The following CDH13 variants were observed in gnomAD, a reference collection of about 807,000 sequenced individuals.
CDH13 encodes cadherin-13.
CDH13 carries 24 observed loss-of-function variants against 63.8 expected under a neutral mutation model. The ratio of observed to expected loss-of-function variants is 0.38; its 90% CI spans 0.27 to 0.53. CDH13 has a LOEUF of 0.53. Ranked by LOEUF, CDH13 falls within the 20% of genes least tolerant of loss-of-function variation. The pLI is 0.85. For missense variants in CDH13, 1,049 were observed against 903.1 expected, an observed-to-expected ratio of 1.16 and a Z score of -2.07; for synonymous variants, 503 against 355.3, an observed-to-expected ratio of 1.42 and a Z score of -4.67.
chr16:82,675,556 G>C (rs16958140), intron 1 of CDH13, among the ~76,000 whole-genome samples: 1 of 152,164 alleles, frequency 6.6e-6, no homozygotes, highest in Non-Finnish European at 1.5e-5. Flanking sequence ...ATGAAGTCAC[G>C]TTTGCCTCAT....
intron 5 of CDH13, among the ~76,000 whole-genome samples, chr16:83,262,698 G>C (rs1033541654): frequency 2.6e-5 from 4 of 152,156 alleles, no homozygotes; most frequent in Admixed American, 1.3e-4. Flanking sequence ...TCAAGGGAAA[G>C]GGTTTCCTTA....
intron 8 of CDH13, among the ~76,000 whole-genome samples, chr16:83,603,082 T>C (rs965066580): frequency 2.0e-5 from 3 of 152,226 alleles, no homozygotes; most frequent in Admixed American, 1.3e-4. Flanking sequence ...TTATTCATTC[T>C]CAGTCCCTGT....
intron 4 of CDH13, among the ~76,000 whole-genome samples, chr16:83,172,643 A>C (rs28393116): frequency 0.016 from 2,464 of 152,220 alleles, 80 homozygotes; most frequent in African/African-American, 0.056. Flanking sequence ...TCCTCCTCAC[A>C]GACCTCAGAA....
intron 6 of CDH13, among the ~76,000 whole-genome samples, chr16:83,417,287 C>T (rs2071578061): frequency 6.6e-6 from 1 of 152,182 alleles, no homozygotes; most frequent in Non-Finnish European, 1.5e-5. Context: ...CTCCCCAGAA[C>T]AGCCTCCCTT....
chr16:83,467,118 C>T (rs1050979248), intron 6 of CDH13, among the ~76,000 whole-genome samples: 6 of 152,162 alleles, frequency 3.9e-5, no homozygotes. Flanking sequence ...CAATATAAGC[C>T]ATAATGGCTG....
intron 8 of CDH13, among the ~76,000 whole-genome samples, chr16:83,648,772 ATC>A (rs1018195689): frequency 2.3e-4 from 35 of 151,206 alleles, no homozygotes; most frequent in African/African-American, 8.5e-4. Flanking sequence ...CCCTCTCCCC[ATC>A]TCTGTCTCCT....
At chr16:83,521,769 A>G (rs1009100259) in intron 7 of CDH13, among the ~76,000 whole-genome samples, 3 of 152,158 alleles carry the variant, frequency 2.0e-5, no homozygotes, top group Admixed American at 2.0e-4. Context: ...CCCTGGCTTC[A>G]GAGTTAGAGG....
At chr16:82,929,414 G>A (rs193107003) in intron 2 of CDH13, among the ~76,000 whole-genome samples, 2 of 151,886 alleles carry the variant, frequency 1.3e-5, no homozygotes, top group African/African-American at 4.8e-5. Context: ...GGCTGAGGCG[G>A]GGTGGATCAC....
At chr16:82,740,157 T>C (rs1173001988) in intron 1 of CDH13, among the ~76,000 whole-genome samples, 1 of 152,204 alleles carries the variant, frequency 6.6e-6, no homozygotes, top group East Asian at 1.9e-4. Flanking sequence ...TATTCTTATT[T>C]ACAATATGGA....
At chr16:82,710,552 A>AAAATATATATATATATAT (rs60196638) in intron 1 of CDH13, among the ~76,000 whole-genome samples, 3 of 63,754 alleles carry the variant, frequency 4.7e-5, no homozygotes. Context: ...AAAAAAAAAA[A>AAAATATATATATATATAT]ATATATATAT....
chr16:82,790,022 G>A (rs760273773), intron 1 of CDH13, among the ~76,000 whole-genome samples: 1 of 152,136 alleles, frequency 6.6e-6, no homozygotes, highest in African/African-American at 2.4e-5. Context: ...ATGACATGAA[G>A]GACTTCTTCT....
intron 3 of CDH13, among the ~76,000 whole-genome samples, chr16:83,115,185 A>C (rs1009731451): frequency 1.3e-5 from 2 of 152,210 alleles, no homozygotes; most frequent in African/African-American, 2.4e-5. Flanking sequence ...TTTAGAGCAG[A>C]TGGTTCTGGA....
At chr16:82,663,329 G>T (rs1451879562) in intron 1 of CDH13, among the ~76,000 whole-genome samples, 1 of 152,164 alleles carries the variant, frequency 6.6e-6, no homozygotes, top group Non-Finnish European at 1.5e-5. Flanking sequence ...TGGGATTACA[G>T]GCATGCAGCA....
intron 7 of CDH13, among the ~76,000 whole-genome samples, chr16:83,601,487 C>A (rs1008740125): frequency 6.6e-6 from 1 of 152,136 alleles, no homozygotes; most frequent in African/African-American, 2.4e-5. Flanking sequence ...GGATTAAATG[C>A]GTCTTCCACA....
chr16:83,414,216 C>T (rs1199987108), intron 6 of CDH13, among the ~76,000 whole-genome samples: 2 of 152,084 alleles, frequency 1.3e-5, no homozygotes, highest in African/African-American at 4.8e-5. Context: ...CATGCTCAAC[C>T]ATTTTCTTGA....
chr16:83,505,478 A>C (rs2074374434), intron 7 of CDH13, among the ~76,000 whole-genome samples: 1 of 151,496 alleles, frequency 6.6e-6, no homozygotes, highest in Non-Finnish European at 1.5e-5. Context: ...CATTTAGTAA[A>C]CTCTGCCAAA....
chr16:83,391,875 G>A (rs1567639408), intron 6 of CDH13, among the ~76,000 whole-genome samples: 2 of 152,124 alleles, frequency 1.3e-5, no homozygotes, highest in African/African-American at 4.8e-5. Context: ...AAATATTTGG[G>A]GTTTGAGTGT....
At chr16:82,986,987 A>T (rs938468279) in intron 2 of CDH13, among the ~76,000 whole-genome samples, 1 of 152,210 alleles carries the variant, frequency 6.6e-6, no homozygotes, top group Non-Finnish European at 1.5e-5. Flanking sequence ...ATTCCATCTT[A>T]TCTTGATGGA....
At chr16:82,938,147 A>G (rs763464453) in intron 2 of CDH13, among the ~76,000 whole-genome samples, 16 of 152,214 alleles carry the variant, frequency 1.1e-4, no homozygotes, top group Non-Finnish European at 2.1e-4. Context: ...ATGTATCTTA[A>G]GAGCCTTTAC....
Sources: allele counts gnomAD v4.1 joint callset (sites outside exome capture counted in the v4.1 genomes callset), GRCh38; gene constraint gnomAD v4.1.1; transcripts MANE v1.5; gene names NCBI Gene and HGNC (gene_info 2026-07-23, HGNC 2026-07-21).